MAML3: variants seen among roughly 807,000 people sequenced by gnomAD.
MAML3 encodes mastermind like transcriptional coactivator 3.
Under a neutral mutation model 101.9 loss-of-function variants are expected in MAML3, and 27 were observed. That is an observed-to-expected ratio of 0.27 (90% CI 0.20 to 0.37). The LOEUF is 0.37. Among genes scored for constraint, MAML3 ranks in the 10% least tolerant of loss-of-function variants. The probability of loss-of-function intolerance (pLI) is 1.00; values close to 1 mark genes in which losing one functional copy is unlikely to be tolerated. For missense variants in MAML3, 1,316 were observed against 1,444.9 expected, an observed-to-expected ratio of 0.91 and a Z score of 1.45; for synonymous variants, 501 against 555.9, an observed-to-expected ratio of 0.90 and a Z score of 1.39.
At chr4:139,740,537 T>G (rs541263664) in intron 2 of MAML3, 3 of 152,026 alleles carry the variant, frequency 2.0e-5, no homozygotes, top group Non-Finnish European at 4.4e-5. Context: ...CTAGGGAGAT[T>G]TTTTTCCCCC....
At chr4:139,990,229 T>C (rs1402030881) in intron 1 of MAML3, among the ~76,000 whole-genome samples, 1 of 152,202 alleles carries the variant, frequency 6.6e-6, no homozygotes, top group African/African-American at 2.4e-5. Flanking sequence ...ATTCCTGGGA[T>C]GCAAGGCTGG....
chr4:140,029,732 T>C lies in MAML3; in HGVS notation c.468+123128A>G, dbSNP rs543734411. Among the ~76,000 whole-genome samples the C allele has an allele frequency of 2.4e-3, 364 of 152,336 alleles. 1 individual carries two copies. The highest frequency in any genetic ancestry group is 8.6e-3 in the African/African-American group (356 of 41,572). ...CATAATTATTACATAAATGCCACTT[T>C]TAATATCAGCTTAGGAAATATGTAT... On this transcript the variant is annotated intron_variant, in intron 1 of 4. Transcript: ENST00000509479.
intron 1 of MAML3, among the ~76,000 whole-genome samples, chr4:139,902,234 C>T (rs1414273874): frequency 6.9e-6 from 1 of 144,410 alleles, no homozygotes; most frequent in East Asian, 2.0e-4. Flanking sequence ...TGGACACACA[C>T]GCAGGCGCGC....
At chr4:139,786,277 T>C (rs1403369667) in intron 2 of MAML3, among the ~76,000 whole-genome samples, 1 of 151,818 alleles carries the variant, frequency 6.6e-6, no homozygotes, top group African/African-American at 2.4e-5. Flanking sequence ...TGTGGGACTT[T>C]GTTATGGCAG....
At chr4:139,958,832 T>C (rs1733958756) in intron 1 of MAML3, among the ~76,000 whole-genome samples, 2 of 152,232 alleles carry the variant, frequency 1.3e-5, no homozygotes, top group South Asian at 4.1e-4. Flanking sequence ...TAATACTCTA[T>C]TGTCCTTCAC....
At chr4:140,122,679 C>T (rs1280364122) in intron 1 of MAML3, among the ~76,000 whole-genome samples, 1 of 150,140 alleles carries the variant, frequency 6.7e-6, no homozygotes, top group African/African-American at 2.4e-5. Context: ...GTAGTCCCAG[C>T]TACTTGGGAG....
chr4:140,036,902 A>G (rs1407052993), intron 1 of MAML3, among the ~76,000 whole-genome samples: 1 of 152,180 alleles, frequency 6.6e-6, no homozygotes, highest in Non-Finnish European at 1.5e-5. Flanking sequence ...GAAGCACACT[A>G]TGGTACATGC....
rs1446580861 is a variant in MAML3, at chr4:139,730,464, C to T, written c.2283G>A (p.Glu761=). 1 of 1,552,492 alleles carries T rather than the reference C, an allele frequency of 6.4e-7. No individual in the cohort carries two copies. The highest frequency in any genetic ancestry group is 2.0e-5 in the Admixed American group (1 of 51,086). The change falls in exon 3 of 5, where the codon GAG becomes GAA. Residue 761 remains glutamate, a synonymous_variant. Transcript: ENST00000509479. ...IEQQKQQFLR[E]QRQQQQQQQQ... is the part of the protein sequence containing the mutation. ...GCTGCTGCTGCTGCTGCTGCCTTTG[C>T]TCCCGCAGGAACTGTTGCTTCTGCT... is the stretch of plus-strand genomic sequence containing the variant.
At chr4:139,966,886 G>A (rs6855142) in intron 1 of MAML3, among the ~76,000 whole-genome samples, 58,059 of 151,908 alleles carry the variant, frequency 0.38, 12,222 homozygotes, top group East Asian at 0.62. Context: ...CTAATCAAGT[G>A]CACTAGCCCT....
At chr4:139,885,946 A>AAG (rs1732327266) in intron 2 of MAML3, among the ~76,000 whole-genome samples, 1 of 144,654 alleles carries the variant, frequency 6.9e-6, no homozygotes, top group Admixed American at 7.2e-5. Flanking sequence ...AAAAAAAAAA[A>AAG]AAAAAAAAAA....
At chr4:139,849,217 G>A (rs1578629653) in intron 2 of MAML3, among the ~76,000 whole-genome samples, 1 of 152,282 alleles carries the variant, frequency 6.6e-6, no homozygotes, top group East Asian at 1.9e-4. Context: ...AGGTATTATA[G>A]AGAGCAAAAC....
chr4:139,921,337 T>C (rs577782087), intron 1 of MAML3, among the ~76,000 whole-genome samples: 81 of 152,274 alleles, frequency 5.3e-4, no homozygotes, highest in African/African-American at 1.9e-3. Context: ...GGTCACTTTG[T>C]TATTTACAAA....
At chr4:139,824,888 T>TA (rs1192180901) in intron 2 of MAML3, among the ~76,000 whole-genome samples, 4 of 149,470 alleles carry the variant, frequency 2.7e-5, no homozygotes, top group African/African-American at 9.8e-5. Flanking sequence ...ACCAGGCCTC[T>TA]ATTTTTCAGT....
intron 1 of MAML3, among the ~76,000 whole-genome samples, chr4:139,932,451 A>T (rs977050441): frequency 2.0e-5 from 3 of 152,220 alleles, no homozygotes; most frequent in African/African-American, 7.2e-5. Context: ...TAAGTGCTTT[A>T]ATAAGTAGAT....
chr4:139,823,896 A>T (rs988407902), intron 2 of MAML3, among the ~76,000 whole-genome samples: 3 of 151,526 alleles, frequency 2.0e-5, no homozygotes, highest in Non-Finnish European at 2.9e-5. Context: ...GATTCTAGTT[A>T]AGCAATTGAT....
intron 1 of MAML3, among the ~76,000 whole-genome samples, chr4:140,023,589 T>C (rs772950201): frequency 2.0e-5 from 3 of 152,266 alleles, no homozygotes; most frequent in Non-Finnish European, 2.9e-5. Context: ...AAAACAAGCT[T>C]ATATTTGTTC....
At chr4:139,731,616 C>G (rs1560773846) in intron 2 of MAML3, among the ~76,000 whole-genome samples, 1 of 150,402 alleles carries the variant, frequency 6.6e-6, no homozygotes, top group African/African-American at 2.4e-5. Flanking sequence ...GACTCTTTCT[C>G]AAAAAAAAAG....
intron 1 of MAML3, among the ~76,000 whole-genome samples, chr4:139,968,649 G>A (rs145562187): frequency 6.6e-6 from 1 of 152,224 alleles, no homozygotes; most frequent in East Asian, 1.9e-4. Flanking sequence ...CCATTTTACA[G>A]ATGAGGACAC....
chr4:140,062,747 G>T (rs964438840), intron 1 of MAML3, among the ~76,000 whole-genome samples: 2 of 152,118 alleles, frequency 1.3e-5, no homozygotes, highest in African/African-American at 4.8e-5. Flanking sequence ...CTTAGGAATG[G>T]GAAAAGCACC....
Sources: allele counts gnomAD v4.1 joint callset (sites outside exome capture counted in the v4.1 genomes callset), GRCh38; gene constraint gnomAD v4.1.1; transcripts MANE v1.5; gene names NCBI Gene and HGNC (gene_info 2026-07-23, HGNC 2026-07-21).